The following AMPH variants were observed in gnomAD, a reference collection of about 807,000 sequenced individuals.
The protein encoded by AMPH is amphiphysin.
AMPH carries 49 observed loss-of-function variants against 99.1 expected under a neutral mutation model. The ratio of observed to expected loss-of-function variants is 0.49; its 90% confidence interval spans 0.39 to 0.63. The LOEUF (loss-of-function observed/expected upper bound fraction) is 0.63, where lower values mean the gene tolerates loss of function less well. Among genes scored for constraint, AMPH ranks in the 20% least tolerant of loss-of-function variants. The pLI, the probability that AMPH is intolerant of heterozygous loss-of-function variation, is 0.00. For synonymous variants in AMPH, 314 were observed against 317.3 expected, an observed-to-expected ratio of 0.99 and a Z score of 0.11; for missense variants, 759 against 863.4, an observed-to-expected ratio of 0.88 and a Z score of 1.52.
At chr7:38,560,890 G>C (rs1194760010) in intron 1 of AMPH, among the ~76,000 whole-genome samples, 1 of 152,134 alleles carries the variant, frequency 6.6e-6, no homozygotes, top group Non-Finnish European at 1.5e-5. Flanking sequence ...TTATTTTCTA[G>C]AATCAGAATG....
At chr7:38,404,145 C>T (rs1488746204) in intron 17 of AMPH, among the ~76,000 whole-genome samples, 2 of 151,828 alleles carry the variant, frequency 1.3e-5, no homozygotes, top group South Asian at 2.1e-4. Context: ...AACTGAAGGT[C>T]ACGAGTCCTG....
At chr7:38,623,869 A>T (rs892422382) in intron 1 of AMPH, among the ~76,000 whole-genome samples, 3 of 152,218 alleles carry the variant, frequency 2.0e-5, no homozygotes, top group African/African-American at 7.2e-5. Context: ...TTGTTTTCTT[A>T]CCATATCACT....
At chr7:38,512,980 G>C (rs1162235359) in intron 2 of AMPH, among the ~76,000 whole-genome samples, 1 of 152,108 alleles carries the variant, frequency 6.6e-6, no homozygotes, top group Non-Finnish European at 1.5e-5. Context: ...GGATGTGATG[G>C]AAATGAAATA....
intron 2 of AMPH, among the ~76,000 whole-genome samples, chr7:38,525,258 G>GTGTATATA (rs1173107719): frequency 4.6e-4 from 51 of 111,184 alleles, no homozygotes; most frequent in African/African-American, 1.9e-3. Flanking sequence ...GTGTGTGTGT[G>GTGTATATA]TATATATATA....
intron 5 of AMPH, among the ~76,000 whole-genome samples, chr7:38,489,880 T>G (rs1286350359): frequency 6.6e-6 from 1 of 152,156 alleles, no homozygotes; most frequent in Non-Finnish European, 1.5e-5. Context: ...AGATCTGCTG[T>G]GCCTACAGAT....
Position 38,391,835 on chromosome 7 carries a change from C to G in AMPH, c.1791G>C (p.Thr597=), listed in dbSNP as rs1058656. The G allele has an allele frequency of 6.2e-7, 1 of 1,613,280 alleles. No individual in the cohort carries two copies. The change falls in exon 19 of 21, where the codon ACG becomes ACC. Residue 597 remains threonine, a synonymous_variant. Transcript: ENST00000356264. ...EQKPIQDPQP[T]PSAPAMGAAD... The stretch of plus-strand genomic sequence containing the variant: ...CAGCCCCCATGGCTGGTGCAGAAGG[C>G]GTGGGCTGAGGGTCCTGGATAGGCT...
intron 1 of AMPH, among the ~76,000 whole-genome samples, chr7:38,540,242 T>C (rs1426494388): frequency 6.6e-6 from 1 of 152,212 alleles, no homozygotes; most frequent in Non-Finnish European, 1.5e-5. Context: ...CACGTTAGTA[T>C]TTTGAAACAG....
rs1378079295 is a variant in AMPH at position 38,384,806 on chromosome 7, G to A, written c.*12C>T. 2 of 1,610,066 alleles carry A rather than the reference G, an allele frequency of 1.2e-6. No individual in the cohort carries two copies. Among genetic ancestry groups the A allele is most frequent in the East Asian group, 2.2e-5 (1 of 44,860 alleles). On this transcript the variant is annotated 3_prime_UTR_variant, in exon 21 of 21. Transcript: ENST00000356264. Reference sequence around the variant, plus strand: ...CCCCGTAACTGAGCTCCTTCTTGCAGTACTTGTTGCCCTAATCTAAGCGTC... The same window carrying A: ...CCCCGTAACTGAGCTCCTTCTTGCAATACTTGTTGCCCTAATCTAAGCGTC...
intron 1 of AMPH, among the ~76,000 whole-genome samples, chr7:38,631,038 T>C (rs1794441489): frequency 6.6e-6 from 1 of 152,116 alleles, no homozygotes; most frequent in Non-Finnish European, 1.5e-5. Context: ...ATATCCGGCG[T>C]CTCCGGGGCC....
chr7:38,597,161 A>G (rs1793088061), intron 1 of AMPH, among the ~76,000 whole-genome samples: 1 of 152,220 alleles, frequency 6.6e-6, no homozygotes, highest in African/African-American at 2.4e-5. Flanking sequence ...GGGAAAAAAA[A>G]CAGCCCATGG....
At chr7:38,594,355 T>C (rs1217952642) in intron 1 of AMPH, among the ~76,000 whole-genome samples, 1 of 152,208 alleles carries the variant, frequency 6.6e-6, no homozygotes, top group African/African-American at 2.4e-5. Flanking sequence ...GAAGACACTT[T>C]CCTAAAACAC....
chr7:38,407,292 TAG>T (rs1326150305), intron 17 of AMPH, among the ~76,000 whole-genome samples: 345 of 118,042 alleles, frequency 2.9e-3, no homozygotes, highest in African/African-American at 9.2e-3. Context: ...TCTATCTATA[TAG>T]AGAGAGAGAG....
At chr7:38,389,397 T>C (rs1024853384) in intron 20 of AMPH, among the ~76,000 whole-genome samples, 2 of 152,210 alleles carry the variant, frequency 1.3e-5, no homozygotes, top group Admixed American at 1.3e-4. Context: ...CAGACATCCC[T>C]CTCAAGATAC....
chr7:38,608,318 A>C (rs1793505688), intron 1 of AMPH, among the ~76,000 whole-genome samples: 1 of 152,124 alleles, frequency 6.6e-6, no homozygotes, highest in Non-Finnish European at 1.5e-5. Flanking sequence ...CCAGCCCTTT[A>C]TCTCTCTGCT....
chr7:38,553,271 C>G (rs2129046595), intron 1 of AMPH, among the ~76,000 whole-genome samples: 1 of 152,298 alleles, frequency 6.6e-6, no homozygotes, highest in Non-Finnish European at 1.5e-5. Context: ...TAACACTTCC[C>G]ACACTTCCAC....
At chr7:38,431,049 TA>T (rs1194814866) in intron 13 of AMPH, among the ~76,000 whole-genome samples, 3 of 152,216 alleles carry the variant, frequency 2.0e-5, no homozygotes, top group Non-Finnish European at 2.9e-5. Flanking sequence ...AGGGCTTTTC[TA>T]AAACAAAGAC....
At chr7:38,600,604 C>T (rs1180038518) in intron 1 of AMPH, among the ~76,000 whole-genome samples, 1 of 152,120 alleles carries the variant, frequency 6.6e-6, no homozygotes. Context: ...AAATGTCAAT[C>T]TTTGACCATT....
intron 11 of AMPH, among the ~76,000 whole-genome samples, chr7:38,438,492 C>A (rs17171349): frequency 0.047 from 7,082 of 151,774 alleles, 315 homozygotes; most frequent in African/African-American, 0.11. Flanking sequence ...TAATTAGGAA[C>A]CCCAAAAATC....
intron 1 of AMPH, among the ~76,000 whole-genome samples, chr7:38,599,616 C>G (rs922320123): frequency 5.9e-5 from 9 of 151,854 alleles, no homozygotes; most frequent in Non-Finnish European, 1.3e-4. Flanking sequence ...TACTGCATTG[C>G]GGGGTTGGCA....
Sources: allele counts gnomAD v4.1 joint callset (sites outside exome capture counted in the v4.1 genomes callset), GRCh38; gene constraint gnomAD v4.1.1; transcripts MANE v1.5; gene names NCBI Gene and HGNC (gene_info 2026-07-23, HGNC 2026-07-21).